The following PCDH15 variants were observed in gnomAD, a reference collection of about 807,000 sequenced individuals.
The protein encoded by PCDH15 is protocadherin-15.
A neutral mutation model predicts 178.5 loss-of-function variants in PCDH15; 129 were observed. The ratio of observed to expected loss-of-function variants is 0.72; its 90% CI spans 0.63 to 0.84. The LOEUF (loss-of-function observed/expected upper bound fraction) is 0.84. Among genes scored for constraint, PCDH15 ranks in the 40% least tolerant of loss-of-function variants. The pLI is 0.00. For missense variants in PCDH15, 2,230 were observed against 2,099.9 expected, an observed-to-expected ratio of 1.06 and a Z score of -1.21; for synonymous variants, 800 against 732.0, an observed-to-expected ratio of 1.09 and a Z score of -1.50.
At chr10:54,347,663 G>A (rs1414708082) in intron 5 of PCDH15, among the ~76,000 whole-genome samples, 1 of 151,852 alleles carries the variant, frequency 6.6e-6, no homozygotes, top group Non-Finnish European at 1.5e-5. Flanking sequence ...ATGATGAGAC[G>A]GTGGAAAATA....
chr10:55,479,704 A>G (rs1423005153), intron 2 of PCDH15, among the ~76,000 whole-genome samples: 1 of 151,570 alleles, frequency 6.6e-6, no homozygotes, highest in Non-Finnish European at 1.5e-5. Context: ...TGGAAAGAAG[A>G]AAGTCAAATT....
intron 37 of PCDH15, 62 bp from the exon 38 acceptor site, chr10:53,807,192 A>G: frequency 7.5e-7 from 1 of 1,332,346 alleles, no homozygotes. Flanking sequence ...CAATGATTAC[A>G]TTGCCTGTGA....
intron 2 of PCDH15, among the ~76,000 whole-genome samples, chr10:55,498,763 T>C (rs1222523827): frequency 6.6e-6 from 1 of 151,766 alleles, no homozygotes; most frequent in African/African-American, 2.4e-5. Context: ...CCTCCCAAAC[T>C]CCTATCCCTT....
chr10:54,720,408 G>T (rs1591271133), intron 1 of PCDH15, among the ~76,000 whole-genome samples: 1 of 151,728 alleles, frequency 6.6e-6, no homozygotes, highest in African/African-American at 2.4e-5. Flanking sequence ...AAATCAGCAA[G>T]AGAGAAGCAT....
chr10:55,468,487 G>C (rs1420807456), intron 2 of PCDH15: 1 of 152,086 alleles, frequency 6.6e-6, no homozygotes, highest in Non-Finnish European at 1.5e-5. Context: ...AAGCTAAAAT[G>C]GGTTTTGAGG....
At chr10:54,709,589 A>G (rs2095406866) in intron 1 of PCDH15, among the ~76,000 whole-genome samples, 1 of 107,362 alleles carries the variant, frequency 9.3e-6, no homozygotes, top group Admixed American at 9.8e-5. Flanking sequence ...AATTACAAAT[A>G]ATTCATATAT....
chr10:55,474,933 C>CT, intron 2 of PCDH15, among the ~76,000 whole-genome samples: 1 of 152,242 alleles, frequency 6.6e-6, no homozygotes, highest in African/African-American at 2.4e-5. Context: ...TTCCAAAGAG[C>CT]TTGCTTACTT....
At chr10:54,503,974 T>C (rs2080951459) in intron 3 of PCDH15, among the ~76,000 whole-genome samples, 1 of 152,106 alleles carries the variant, frequency 6.6e-6, no homozygotes, top group Non-Finnish European at 1.5e-5. Flanking sequence ...GAACTGACCG[T>C]GGTGGTCCAA....
intron 1 of PCDH15, among the ~76,000 whole-genome samples, chr10:54,691,681 T>G (rs959327065): frequency 6.6e-6 from 1 of 151,944 alleles, no homozygotes; most frequent in African/African-American, 2.4e-5. Flanking sequence ...TTTAGATGTG[T>G]CCATCATCCT....
intron 2 of PCDH15, among the ~76,000 whole-genome samples, chr10:55,164,063 G>C (rs541368114): frequency 6.6e-6 from 1 of 152,208 alleles, no homozygotes; most frequent in South Asian, 2.1e-4. Context: ...CAGACCAGAG[G>C]CCTTCCTGTT....
chr10:54,594,901 G>A (rs1193370601), intron 2 of PCDH15, among the ~76,000 whole-genome samples: 7 of 152,172 alleles, frequency 4.6e-5, no homozygotes, highest in Non-Finnish European at 8.8e-5. Flanking sequence ...ACAGAAAACA[G>A]TGTATCTACT....
chr10:55,550,096 A>G (rs931491813), intron 2 of PCDH15, among the ~76,000 whole-genome samples: 5 of 152,046 alleles, frequency 3.3e-5, no homozygotes, highest in Admixed American at 3.3e-4. Flanking sequence ...ATACATGTCA[A>G]TCTTTTTCTT....
intron 2 of PCDH15, among the ~76,000 whole-genome samples, chr10:55,483,596 A>G (rs1404523125): frequency 6.6e-6 from 1 of 151,822 alleles, no homozygotes; most frequent in African/African-American, 2.4e-5. Flanking sequence ...CTAAAGACTG[A>G]AATATCATTC....
intron 2 of PCDH15, among the ~76,000 whole-genome samples, chr10:55,500,765 A>G (rs1422194756): frequency 2.0e-5 from 3 of 151,852 alleles, no homozygotes; most frequent in Non-Finnish European, 4.4e-5. Flanking sequence ...ATTTGAGTGC[A>G]TATAAAGTTA....
Position 53,916,100 on chromosome 10 carries a change from A to G in PCDH15, c.3374-12730T>C, listed in dbSNP as rs61858350. ...ACTTATAATACCTAATACAATGTAA[A>G]TGCTACATAAATAGTTGCATACTAT... On this transcript the variant is annotated intron_variant, in intron 25 of 37. Transcript: ENST00000644397. Among the ~76,000 whole-genome samples the G allele has an allele frequency of 2.7e-3, 418 of 152,308 alleles. 2 individuals are homozygous for G. Among genetic ancestry groups the G allele is most frequent in the Non-Finnish European group, 4.7e-3 (320 of 68,018 alleles).
chr10:54,317,581 C>T, intron 7 of PCDH15, 140 bp from the exon 8 acceptor site: 1 of 946,510 alleles, frequency 1.1e-6, no homozygotes, highest in Non-Finnish European at 1.7e-6. Flanking sequence ...TTGATACCAG[C>T]CTGGCAAACA....
intron 2 of PCDH15, among the ~76,000 whole-genome samples, chr10:55,160,064 C>T (rs1355570596): frequency 6.8e-6 from 1 of 147,092 alleles, no homozygotes; most frequent in East Asian, 2.1e-4. Flanking sequence ...AGAATAAAGC[C>T]AAATAATTGT....
chr10:54,920,659 T>C (rs910704239), intron 2 of PCDH15, among the ~76,000 whole-genome samples: 3 of 152,098 alleles, frequency 2.0e-5, no homozygotes, highest in African/African-American at 7.2e-5. Context: ...ACCCGCAGAA[T>C]ACACAAAGCC....
At chr10:55,066,000 A>G (rs972217424) in intron 2 of PCDH15, among the ~76,000 whole-genome samples, 41 of 152,090 alleles carry the variant, frequency 2.7e-4, no homozygotes, top group Non-Finnish European at 5.6e-4. Context: ...ACTATTCCCC[A>G]AACACAGTAT....
Sources: gnomAD v4.1 joint callset for allele counts (sites outside exome capture counted in the v4.1 genomes callset) on GRCh38, gnomAD v4.1.1 for gene constraint, MANE v1.5 for transcripts, NCBI Gene and HGNC (gene_info 2026-07-23, HGNC 2026-07-21) for gene names.